The following AFTPH variants were observed in gnomAD, a reference collection of about 807,000 sequenced individuals.
The protein encoded by AFTPH is aftiphilin, also known as aftiphilin protein.
AFTPH carries 7 observed loss-of-function variants against 72.5 expected under a neutral mutation model. The observed-to-expected ratio is 0.10, with a 90% CI of 0.05 to 0.18. The LOEUF is 0.18. AFTPH is among the 10% of genes least tolerant of loss of function. The pLI is 1.00. For missense variants in AFTPH, 979 were observed against 1,060.5 expected (o/e 0.92, Z 1.07); for synonymous variants, 337 against 370.1 (o/e 0.91, Z 1.03).
intron 8 of AFTPH, among the ~76,000 whole-genome samples, 162 bp from the exon 10 acceptor site, chr2:64,591,724 GAA>G (rs1202343867): frequency 2.0e-5 from 3 of 152,206 alleles, no homozygotes; most frequent in African/African-American, 7.2e-5. Context: ...TTTGGCACAG[GAA>G]GCATACTGCA....
intron 1 of AFTPH, among the ~76,000 whole-genome samples, chr2:64,525,185 C>A (rs1295369949): frequency 2.0e-5 from 3 of 152,216 alleles, no homozygotes; most frequent in Non-Finnish European, 2.9e-5. Context: ...TTTCTGCTGT[C>A]TTCTTGCACT....
intron 7 of AFTPH, 60 bp from the exon 9 acceptor site, chr2:64,585,362 G>A (rs967820445): frequency 1.4e-4 from 227 of 1,598,468 alleles, no homozygotes; most frequent in Non-Finnish European, 1.8e-4. Context: ...ATCTTGGATT[G>A]TGGCTAACTG....
chr2:64,546,762 T>C (rs934372300), intron 1 of AFTPH, among the ~76,000 whole-genome samples: 2 of 151,726 alleles, frequency 1.3e-5, no homozygotes, highest in Non-Finnish European at 2.9e-5. Context: ...AGGCTGGGCA[T>C]GGTGGCTCAC....
At chr2:64,562,382 G>A (rs1201776613) in intron 2 of AFTPH, among the ~76,000 whole-genome samples, 2 of 147,854 alleles carry the variant, frequency 1.4e-5, no homozygotes, top group Admixed American at 6.8e-5. Flanking sequence ...TACCAACTAT[G>A]TGCAGGAACC....
chr2:64,535,768 T>C (rs2103826540), intron 1 of AFTPH, among the ~76,000 whole-genome samples: 1 of 117,570 alleles, frequency 8.5e-6, no homozygotes, highest in Admixed American at 7.5e-5. Context: ...TTAGAAGAAA[T>C]GACGTGTGAC....
At chr2:64,525,075 T>C (rs978534710) in intron 1 of AFTPH, among the ~76,000 whole-genome samples, 2 of 152,150 alleles carry the variant, frequency 1.3e-5, no homozygotes, top group African/African-American at 2.4e-5. Flanking sequence ...GCGACCTGAG[T>C]GTGCTGCTTC....
exon 2 of AFTPH, chr2:64,553,366 C>T: frequency 6.2e-7 from 1 of 1,603,118 alleles, no homozygotes; most frequent in Non-Finnish European, 8.5e-7. Flanking sequence ...TCCAAAGGAG[C>T]AGTTGCTAGT....
At chr2:64,528,461 A>G (rs1190117055) in intron 1 of AFTPH, among the ~76,000 whole-genome samples, 1 of 152,240 alleles carries the variant, frequency 6.6e-6, no homozygotes, top group East Asian at 1.9e-4. Flanking sequence ...ACAAATAAGC[A>G]AATAGCAATA....
intron 7 of AFTPH, chr2:64,580,448 G>C (rs1221927559): frequency 2.0e-5 from 3 of 152,294 alleles, no homozygotes; most frequent in African/African-American, 7.3e-5. Context: ...GCTGTTGTCT[G>C]GTGTCTTCAG....
chr2:64,573,161 T>A, intron 6 of AFTPH, 93 bp downstream of exon 6: 2 of 958,210 alleles, frequency 2.1e-6, no homozygotes, highest in Non-Finnish European at 3.1e-6. Flanking sequence ...ATGACTGTTT[T>A]AAAAATATTT....
At chr2:64,553,574 C>T (rs1044648638) in intron 2 of AFTPH, among the ~76,000 whole-genome samples, 165 bp downstream of exon 2, 2 of 151,840 alleles carry the variant, frequency 1.3e-5, no homozygotes, top group African/African-American at 4.8e-5. Flanking sequence ...TTTCACAACC[C>T]TTTGGGAAAC....
At chr2:64,553,625 T>C (rs537715884) in intron 2 of AFTPH, among the ~76,000 whole-genome samples, 6 of 152,116 alleles carry the variant, frequency 3.9e-5, no homozygotes, top group Admixed American at 1.3e-4. Context: ...GATTTTTCTT[T>C]ATCTCAATGA....
intron 1 of AFTPH, among the ~76,000 whole-genome samples, chr2:64,547,319 G>C (rs1670708873): frequency 6.6e-6 from 1 of 152,130 alleles, no homozygotes; most frequent in African/African-American, 2.4e-5. Context: ...AATTTTGTAG[G>C]CTGTCTCTCA....
At chr2:64,526,542 T>TC (rs1669276158) in intron 1 of AFTPH, among the ~76,000 whole-genome samples, 1 of 152,198 alleles carries the variant, frequency 6.6e-6, no homozygotes, top group Non-Finnish European at 1.5e-5. Context: ...TAAAGGTTTT[T>TC]CCCTCTATTC....
chr2:64,570,320 A>G (rs1672339219), intron 5 of AFTPH, among the ~76,000 whole-genome samples: 1 of 152,218 alleles, frequency 6.6e-6, no homozygotes, highest in East Asian at 1.9e-4. Flanking sequence ...TCAAACTAAA[A>G]GCATTACTAT....
At chr2:64,534,855 GT>G (rs1167631724) in intron 1 of AFTPH, among the ~76,000 whole-genome samples, 1 of 151,936 alleles carries the variant, frequency 6.6e-6, no homozygotes, top group East Asian at 1.9e-4. Context: ...TAAGTAGAAA[GT>G]AGTAATATTT....
chr2:64,570,920 C>A lies in AFTPH; in HGVS notation c.2271+1241C>A, dbSNP rs1209482396. Among the ~76,000 whole-genome samples the A allele has an allele frequency of 8.1e-5, 10 of 124,060 alleles. 1 individual carries two copies. The highest frequency in any genetic ancestry group is 7.8e-3 in the Middle Eastern group (2 of 256). 81.4% of individuals were successfully genotyped at this position (124,060 alleles called of 152,430 possible). On this transcript the variant is annotated intron_variant, in intron 5 of 8. Coordinates refer to ENST00000238856, the Ensembl canonical transcript of AFTPH. ...TTCCCACTTCTTTCCTCCCCTCCCC[C>A]CCCCCCCCACCTTTTTTCCAGTTTT...
chr2:64,574,940 G>T (rs1672673001), intron 6 of AFTPH, among the ~76,000 whole-genome samples: 1 of 152,048 alleles, frequency 6.6e-6, no homozygotes, highest in African/African-American at 2.4e-5. Context: ...ACAGTGTTAG[G>T]TATTAGGAAA....
chr2:64,576,140 C>T (rs909675263), intron 6 of AFTPH, among the ~76,000 whole-genome samples: 3 of 134,762 alleles, frequency 2.2e-5, no homozygotes, highest in East Asian at 2.5e-4. Flanking sequence ...AAATGAAATA[C>T]GTGTGTGTGT....
Sources: allele counts gnomAD v4.1 joint callset (sites outside exome capture counted in the v4.1 genomes callset), GRCh38; gene constraint gnomAD v4.1.1; transcripts MANE v1.5; gene names NCBI Gene and HGNC (gene_info 2026-07-23, HGNC 2026-07-21).